NECTIN1: variants seen among roughly 807,000 people sequenced by gnomAD.
NECTIN1 encodes the protein nectin cell adhesion molecule 1, also known as nectin-1.
NECTIN1 carries 23 observed loss-of-function variants against 48.0 expected under a neutral mutation model. That is an observed-to-expected ratio of 0.48 (90% CI 0.34 to 0.68). NECTIN1 has a LOEUF of 0.68. Among genes scored for constraint, NECTIN1 ranks in the 30% least tolerant of loss-of-function variants. NECTIN1 has a pLI of 0.01. For synonymous variants in NECTIN1, 270 were observed against 288.9 expected (o/e 0.93, Z 0.66); for missense variants, 591 against 709.9 (o/e 0.83, Z 1.90).
rs143451962 is a variant in NECTIN1 at position 119,681,803 on chromosome 11, G to A, written c.80-3038C>T. 6.9e-3 allele frequency among the ~76,000 whole-genome samples: 1,050 copies of A among 152,248 alleles called. 13 individuals carry two copies. The highest frequency in any genetic ancestry group is 0.014 in the African/African-American group (574 of 41,542). On this transcript the variant is annotated intron_variant, in intron 1 of 5. Coordinates refer to ENST00000264025, the MANE Select transcript of NECTIN1 (RefSeq NM_002855.5). ...ACTGGGCACCAAGTGGGTGCCCCTC[G>A]TCCTGGACATTTTTGCCCTGGTGAT...
rs1864689754 is a variant in NECTIN1 at position 119,662,769 on chromosome 11, C to T, written c.*1978G>A. On this transcript the variant is annotated 3_prime_UTR_variant, in exon 6 of 6. Transcript: ENST00000264025. This position sits in a 1 kb window ranked among gnomAD's most constrained non-coding sequence, Gnocchi z 5.3. The stretch of plus-strand genomic sequence containing the variant: ...TGGGAAAAGCAGCCCAGCTCCTCCA[C>T]CTCCCTCTGCCCTGTGGCTGGAAAG... 74 of 986,476 alleles carry T rather than the reference C, an allele frequency of 7.5e-5. No individual in the cohort carries two copies. Among genetic ancestry groups the T allele is most frequent in the Non-Finnish European group, 8.8e-5 (73 of 830,586 alleles). 61.1% of individuals were successfully genotyped at this position (986,476 alleles called of 1,614,324 possible).
chr11:119,638,174 G>A (rs1440287363), exon 8 of NECTIN1: 1 of 1,614,028 alleles, frequency 6.2e-7, no homozygotes, highest in Non-Finnish European at 8.5e-7. Flanking sequence ...ATCATAGTAG[G>A]GGGGCTGCAG....
chr11:119,670,678 G>A (rs992696781), intron 5 of NECTIN1, among the ~76,000 whole-genome samples: 1 of 117,028 alleles, frequency 8.5e-6, no homozygotes, highest in Non-Finnish European at 1.6e-5. Flanking sequence ...ACAGAGTCTC[G>A]CTCCATCGCC....
chr11:119,691,440 G>C (rs903385306), intron 1 of NECTIN1, among the ~76,000 whole-genome samples: 16 of 152,346 alleles, frequency 1.1e-4, no homozygotes, highest in Admixed American at 3.9e-4. Context: ...TTGTGACATG[G>C]GGTTTTGGGG....
Position 119,676,867 on chromosome 11 carries a change from A to T in NECTIN1, c.851+235T>A. 5.2e-6 allele frequency: 3 copies of T among 577,052 alleles called. No individual in the cohort carries two copies. The South Asian group carries it at 6.0e-5, about 11-fold the overall frequency. 35.7% of individuals were successfully genotyped at this position (577,052 alleles called of 1,614,324 possible). A position where few individuals can be genotyped will look rare whatever the true frequency, so the allele number is the denominator to read the frequency against. On this transcript the variant is annotated intron_variant, in intron 4 of 5. Transcript: ENST00000264025. ...GAGGGAGGGAAGCAGATCACAAAGG[A>T]AACCCCTCTGGCAGAATAGCTTGTT...
chr11:119,701,720 T>C (rs1044975454), intron 1 of NECTIN1, among the ~76,000 whole-genome samples: 1 of 152,160 alleles, frequency 6.6e-6, no homozygotes, highest in African/African-American at 2.4e-5. Context: ...AAAGCCTAAT[T>C]TATTCTCCAG....
At chr11:119,644,396 C>T (rs953696364) in intron 5 of NECTIN1, among the ~76,000 whole-genome samples, 2 of 152,202 alleles carry the variant, frequency 1.3e-5, no homozygotes, top group African/African-American at 4.8e-5. Flanking sequence ...CTGCTTCTCC[C>T]GACCACCCCC....
intron 1 of NECTIN1, among the ~76,000 whole-genome samples, chr11:119,723,216 C>CAAAA (rs34528775): frequency 1.0e-4 from 6 of 59,208 alleles, no homozygotes; most frequent in African/African-American, 1.9e-4. Context: ...GACTCTGTCT[C>CAAAA]AAAAAAAAAA....
Position 119,728,703 on chromosome 11 carries a change from CTGGGTGGG to C in NECTIN1, c.-158_-151del. ...CAGCCGTCGGCCGGGGCGGGGTGGG[CTGGGTGGG>C]ATCCGCGCGGCCGCAGTCCGGGCCC... On this transcript the variant is annotated 5_prime_UTR_variant, in exon 1 of 6. The change creates a new upstream start codon in the 5' untranslated region. Coordinates refer to ENST00000264025, the MANE Select transcript of NECTIN1 (RefSeq NM_002855.5). The C allele has an allele frequency of 1.9e-4, 28 of 145,534 alleles. No homozygotes were observed. The highest frequency in any genetic ancestry group is 8.1e-4 in the East Asian group (3 of 3,724). The allele number at this position is 145,534 out of a possible 1,614,324, so 9.0% of individuals were successfully genotyped here.
chr11:119,680,108 C>A (rs184533587), intron 1 of NECTIN1, among the ~76,000 whole-genome samples: 9 of 152,324 alleles, frequency 5.9e-5, no homozygotes. Flanking sequence ...AGAGAGCAGA[C>A]ATTTGCAAGA....
chr11:119,660,113 T>C (rs1864636978), downstream of NECTIN1, among the ~76,000 whole-genome samples: 1 of 151,570 alleles, frequency 6.6e-6, no homozygotes, highest in Admixed American at 6.6e-5. Flanking sequence ...GGCAGGAGGG[T>C]TTTCTGCTAA....
At chr11:119,724,233 A>G (rs1865873708) in intron 1 of NECTIN1, among the ~76,000 whole-genome samples, 1 of 152,102 alleles carries the variant, frequency 6.6e-6, no homozygotes, top group Admixed American at 6.5e-5. Flanking sequence ...GGAGCTGAAA[A>G]ACTGCCTCCC....
At chr11:119,638,804 G>T (rs1028004119) in exon 7 of NECTIN1, 3 of 1,613,654 alleles carry the variant, frequency 1.9e-6, no homozygotes, top group South Asian at 1.1e-5. Context: ...GGGCTGGTCG[G>T]TCCTGGAGAC....
At chr11:119,717,200 C>T (rs1414094560) in intron 1 of NECTIN1, among the ~76,000 whole-genome samples, 1 of 152,218 alleles carries the variant, frequency 6.6e-6, no homozygotes, top group Non-Finnish European at 1.5e-5. Flanking sequence ...CAGGACTGGC[C>T]ACGAGGCCCA....
chr11:119,666,964 C>A (rs181350028), intron 5 of NECTIN1, among the ~76,000 whole-genome samples: 1 of 152,140 alleles, frequency 6.6e-6, no homozygotes, highest in Non-Finnish European at 1.5e-5. Context: ...AGCCAGGACC[C>A]CCCAGGGGCT....
chr11:119,639,760 A>G, intron 6 of NECTIN1: 1 of 1,487,088 alleles, frequency 6.7e-7, no homozygotes, highest in South Asian at 1.2e-5. Flanking sequence ...AGGCCCTAGA[A>G]AGGCCCTGAG....
At chr11:119,645,104 C>CCA (rs60383060) in intron 5 of NECTIN1, among the ~76,000 whole-genome samples, 141,828 of 152,034 alleles carry the variant, frequency 0.93, 66,926 homozygotes, top group East Asian at 1. Context: ...CTGATGCAGG[C>CCA]CACAGGTGTT....
At chr11:119,710,908 C>A (rs1269295005) in intron 1 of NECTIN1, among the ~76,000 whole-genome samples, 1 of 152,154 alleles carries the variant, frequency 6.6e-6, no homozygotes, top group Non-Finnish European at 1.5e-5. Context: ...ACACACATAA[C>A]CGCAGACCTT....
Position 119,684,367 on chromosome 11 carries a change from C to T in NECTIN1, c.80-5602G>A, listed in dbSNP as rs191922723. ...GCCAACTTGGCCTGGAGTAAAGTGG[C>T]GGCACATTGCAGAGAGGGAGTGGGT... On this transcript the variant is annotated intron_variant, in intron 1 of 5. Coordinates refer to ENST00000264025, the MANE Select transcript of NECTIN1 (RefSeq NM_002855.5). The surrounding 1 kb of genome is among the most constrained non-coding windows in gnomAD (Gnocchi z 5.2). 4.1e-4 allele frequency among the ~76,000 whole-genome samples: 63 copies of T among 152,310 alleles called. 2 individuals are homozygous for T. In the East Asian group the frequency reaches 7.5e-3, roughly 18 times the overall value.
Sources: allele counts gnomAD v4.1 joint callset (sites outside exome capture counted in the v4.1 genomes callset), GRCh38; gene constraint gnomAD v4.1.1; non-coding constraint Gnocchi (gnomAD v3.1); transcripts MANE v1.5; gene names NCBI Gene and HGNC (gene_info 2026-07-23, HGNC 2026-07-21).